Variants in NAV1 observed in about 807,000 individuals in gnomAD.
The protein encoded by NAV1 is neuron navigator 1, also known as pore membrane and/or filament interacting like protein 3.
Under a neutral mutation model 175.2 loss-of-function variants are expected in NAV1, and 18 were observed. That is an observed-to-expected ratio of 0.10 (90% CI 0.07 to 0.15). NAV1 has a LOEUF of 0.15. NAV1 is among the 10% of genes least tolerant of loss of function. The pLI, the probability that NAV1 is intolerant of heterozygous loss-of-function variation, is 1.00. For synonymous variants in NAV1, 897 were observed against 978.7 expected, an observed-to-expected ratio of 0.92 and a Z score of 1.56; for missense variants, 1,731 against 2,436.6, an observed-to-expected ratio of 0.71 and a Z score of 6.10.
At chr1:201,781,297 C>G (rs768062701) in exon 5 of NAV1, 1 of 1,608,104 alleles carries the variant, frequency 6.2e-7, no homozygotes, top group Non-Finnish European at 8.5e-7. Flanking sequence ...CCAGAGTGCC[C>G]TCAAAGTCGC....
intron 1 of NAV1, among the ~76,000 whole-genome samples, chr1:201,707,402 T>C (rs1410657619): frequency 6.6e-6 from 1 of 152,204 alleles, no homozygotes. Flanking sequence ...GAATTAGCTC[T>C]TTAAGCCTCA....
intron 3 of NAV1, among the ~76,000 whole-genome samples, chr1:201,743,956 C>T (rs567451173): frequency 6.6e-6 from 1 of 152,296 alleles, no homozygotes; most frequent in South Asian, 2.1e-4. Flanking sequence ...ATGATCTCAG[C>T]TCACCGCAAT....
At chr1:201,659,158 A>G (rs1669515578) in intron 1 of NAV1, among the ~76,000 whole-genome samples, 1 of 152,192 alleles carries the variant, frequency 6.6e-6, no homozygotes, top group Admixed American at 6.5e-5. Context: ...CATTAAACCA[A>G]TTTGGGACTA....
chr1:201,708,043 G>A lies in NAV1; in HGVS notation c.758-4774G>A, dbSNP rs535345725. ...TAGCTGGGCATTATTTGATTTGTGT[G>A]TGCATGCACCTGTCTGTCAAGTGTA... is the stretch of plus-strand genomic sequence containing the variant. On this transcript the variant is annotated intron_variant, in intron 1 of 29. Coordinates refer to ENST00000367296, the Ensembl canonical transcript of NAV1. Among the ~76,000 whole-genome samples, 5 of 152,270 alleles carry A rather than the reference G, an allele frequency of 3.3e-5. 1 individual carries two copies. Among genetic ancestry groups the A allele is most frequent in the African/African-American group, 1.2e-4 (5 of 41,550 alleles).
chr1:201,661,546 T>G (rs1460793469), intron 1 of NAV1, among the ~76,000 whole-genome samples: 1 of 152,130 alleles, frequency 6.6e-6, no homozygotes, highest in Non-Finnish European at 1.5e-5. Context: ...TCTTTTTGAC[T>G]GGGAATGCTG....
intron 1 of NAV1, among the ~76,000 whole-genome samples, chr1:201,665,310 C>T (rs1669778143): frequency 6.6e-6 from 1 of 152,114 alleles, no homozygotes; most frequent in Non-Finnish European, 1.5e-5. Flanking sequence ...GAGGCCAGCT[C>T]TGCAGAGTTT....
At chr1:201,790,236 C>T (rs1321431986) in intron 11 of NAV1, among the ~76,000 whole-genome samples, 2 of 152,222 alleles carry the variant, frequency 1.3e-5, no homozygotes, top group East Asian at 3.8e-4. Context: ...ATTTGTTTTG[C>T]TCCTAATTCT....
chr1:201,569,923 G>C lies in NAV1; in HGVS notation c.-143-18616G>C, dbSNP rs1430148307. ...CAAGTCAATTTACTTCTCAGTTGCT[G>C]TTTTACTTGTGAAATAATGAGAAAG... On this transcript the variant is annotated intron_variant, in intron 1 of 33. Coordinates refer to the NAV1 transcript ENST00000685211. 2.6e-5 allele frequency among the ~76,000 whole-genome samples: 4 copies of C among 152,152 alleles called. No homozygotes were observed. The South Asian group carries it at 6.2e-4, about 24-fold the overall frequency.
At chr1:201,690,690 A>T (rs1670886226) in intron 1 of NAV1, among the ~76,000 whole-genome samples, 2 of 127,496 alleles carry the variant, frequency 1.6e-5, no homozygotes, top group African/African-American at 6.2e-5. Flanking sequence ...TGTCCGTGGC[A>T]GTGTGTGTGT....
At chr1:201,619,084 C>T (rs1366485942), upstream of NAV1, among the ~76,000 whole-genome samples, 1 of 152,148 alleles carries the variant, frequency 6.6e-6, no homozygotes, top group East Asian at 1.9e-4. Context: ...AGAGCAGGGC[C>T]CCCACTGCAG....
At chr1:201,628,000 G>A (rs765892650) in intron 1 of NAV1, among the ~76,000 whole-genome samples, 4 of 151,928 alleles carry the variant, frequency 2.6e-5, no homozygotes, top group Admixed American at 6.5e-5. Flanking sequence ...TCAGCTAGGC[G>A]TGGTAGCTTG....
intron 2 of NAV1, among the ~76,000 whole-genome samples, chr1:201,716,750 G>A (rs1672157810): frequency 6.6e-6 from 1 of 152,192 alleles, no homozygotes; most frequent in Non-Finnish European, 1.5e-5. Context: ...GTGCTCATGT[G>A]TGCCTGTCGT....
chr1:201,553,268 G>A (rs903820876), intron 1 of NAV1, among the ~76,000 whole-genome samples: 1 of 152,254 alleles, frequency 6.6e-6, no homozygotes, highest in Admixed American at 6.5e-5. Context: ...GACTCACAAA[G>A]CCAGACAGAG....
intron 16 of NAV1, 79 bp downstream of exon 20, chr1:201,803,793 T>TA: frequency 3.3e-6 from 5 of 1,535,832 alleles, no homozygotes; most frequent in Non-Finnish European, 3.5e-6. Flanking sequence ...ATCGAATCCT[T>TA]CCAGGATTAA....
intron 1 of NAV1, among the ~76,000 whole-genome samples, chr1:201,570,941 G>T (rs1666524642): frequency 6.6e-6 from 1 of 152,248 alleles, no homozygotes; most frequent in Non-Finnish European, 1.5e-5. Flanking sequence ...AGGCAACAAA[G>T]CTATCTCATT....
At chr1:201,593,932 C>T (rs1667279654) in intron 2 of NAV1, among the ~76,000 whole-genome samples, 1 of 152,110 alleles carries the variant, frequency 6.6e-6, no homozygotes, top group Non-Finnish European at 1.5e-5. Context: ...TAAGACTCTG[C>T]CTTCAGGCCC....
intron 3 of NAV1, among the ~76,000 whole-genome samples, chr1:201,730,604 C>T (rs7514547): frequency 0.093 from 14,178 of 152,246 alleles, 697 homozygotes; most frequent in Middle Eastern, 0.19. Flanking sequence ...GCCATGCTGT[C>T]GACTGACCAA....
intron 3 of NAV1, among the ~76,000 whole-genome samples, chr1:201,768,641 T>TAAAAAAA (rs71281169): frequency 8.8e-6 from 1 of 114,174 alleles, no homozygotes. Context: ...TTGTCTCAAT[T>TAAAAAAA]AAAAAAAAAA....
intron 1 of NAV1, among the ~76,000 whole-genome samples, chr1:201,564,797 A>G (rs1330786072): frequency 6.6e-6 from 1 of 152,232 alleles, no homozygotes; most frequent in African/African-American, 2.4e-5. Context: ...TGGAGGATCC[A>G]GGGGAGAATC....
Sources: gnomAD v4.1 joint callset for allele counts (sites outside exome capture counted in the v4.1 genomes callset) on GRCh38, gnomAD v4.1.1 for gene constraint, MANE v1.5 for transcripts, NCBI Gene and HGNC (gene_info 2026-07-23, HGNC 2026-07-21) for gene names.